CDK5RAP2: variants seen among roughly 807,000 people sequenced by gnomAD.
CDK5RAP2 encodes CDK5 regulatory subunit associated protein 2.
CDK5RAP2 carries 147 observed loss-of-function variants against 232.9 expected under a neutral mutation model. The ratio of observed to expected loss-of-function variants is 0.63; its 90% CI spans 0.55 to 0.72. The LOEUF is 0.72. CDK5RAP2 is among the 30% of genes least tolerant of loss of function. The pLI, the probability that CDK5RAP2 is intolerant of heterozygous loss-of-function variation, is 0.00. For missense variants in CDK5RAP2, 2,195 were observed against 2,231.5 expected (o/e 0.98, Z 0.33); for synonymous variants, 833 against 833.7 (o/e 1.00, Z 0.01).
At chr9:120,438,099 C>A (rs1037986137) in intron 24 of CDK5RAP2, among the ~76,000 whole-genome samples, 1 of 152,182 alleles carries the variant, frequency 6.6e-6, no homozygotes, top group Non-Finnish European at 1.5e-5. Context: ...AAACTGACTG[C>A]AAAGCTAATT....
chr9:120,463,325 C>G (rs1041601326), intron 18 of CDK5RAP2, among the ~76,000 whole-genome samples: 1 of 152,072 alleles, frequency 6.6e-6, no homozygotes, highest in African/African-American at 2.4e-5. Flanking sequence ...GAGCTGAGAT[C>G]GCGCCACTGC....
chr9:120,408,315 C>T (rs775025723), intron 31 of CDK5RAP2, 32 bp downstream of exon 31: 1 of 1,613,108 alleles, frequency 6.2e-7, no homozygotes, highest in Admixed American at 1.7e-5. Flanking sequence ...GCCCAAAGCA[C>T]AGTAGCCTCA....
intron 7 of CDK5RAP2, among the ~76,000 whole-genome samples, chr9:120,531,616 CT>C (rs11393891): frequency 1.4e-3 from 206 of 147,956 alleles, no homozygotes; most frequent in African/African-American, 3.9e-3. Flanking sequence ...ATAATTATTA[CT>C]TTTTTTTTTT....
rs1379522725 is a variant in CDK5RAP2, at chr9:120,437,473, C to T, written c.3777G>A (p.Gln1259=). 1 of 1,614,178 alleles carries T rather than the reference C, an allele frequency of 6.2e-7. No homozygotes were observed. Among genetic ancestry groups the T allele is most frequent in the South Asian group, 1.1e-5 (1 of 91,088 alleles). The change falls in exon 25 of 38, where the codon CAG becomes CAA. Residue 1259 remains glutamine, a synonymous_variant. Transcript: ENST00000349780. ...CACAGATGCCATGGCCATCCTTAAT[C>T]TGCTGCCGTTGAAGGGAGAGCTCCC... ...QARELSLQRQ[Q]IKDGHGICVI...
chr9:120,515,779 C>T (rs2040308379), intron 12 of CDK5RAP2, among the ~76,000 whole-genome samples: 1 of 152,176 alleles, frequency 6.6e-6, no homozygotes. Flanking sequence ...TGCTCATCAT[C>T]ACTGGCCATC....
chr9:120,536,544 G>C lies in CDK5RAP2; in HGVS notation c.508-18C>G. On this transcript the variant is annotated intron_variant, in intron 6 of 37. Transcript: ENST00000349780. Reference sequence around the variant, plus strand: ...GTCACATCCTAGAGTCAAATTAAATGCATTTGATGCAATTTTTCAATACAA... The same window carrying C: ...GTCACATCCTAGAGTCAAATTAAATCCATTTGATGCAATTTTTCAATACAA... 1 of 1,611,734 alleles carries C rather than the reference G, an allele frequency of 6.2e-7. No homozygotes were observed. The highest frequency in any genetic ancestry group is 8.5e-7 in the Non-Finnish European group (1 of 1,178,448).
chr9:120,422,713 G>C lies in CDK5RAP2; in HGVS notation c.3984C>G (p.Thr1328=). The change falls in exon 26 of 38, where the codon ACC becomes ACG. Residue 1328 remains threonine (T), a synonymous_variant. Transcript: ENST00000349780. ...NGKSVGVEMN[T]QNELMERIEE... ...CTCACCTCTCCATCAGTTCATTCTG[G>C]GTGTTCATTTCCACTCCAACTGATT... is the stretch of plus-strand genomic sequence containing the variant. 1.2e-6 allele frequency: 2 copies of C among 1,612,952 alleles called. No homozygotes were observed. The highest frequency in any genetic ancestry group is 1.7e-6 in the Non-Finnish European group (2 of 1,179,030).
intron 21 of CDK5RAP2, among the ~76,000 whole-genome samples, chr9:120,451,271 G>A (rs1164101392): frequency 6.6e-6 from 1 of 152,176 alleles, no homozygotes; most frequent in Non-Finnish European, 1.5e-5. Flanking sequence ...AAGGGAAACA[G>A]GAACTCACAC....
chr9:120,446,588 G>C (rs577784688), intron 22 of CDK5RAP2, among the ~76,000 whole-genome samples: 8 of 152,232 alleles, frequency 5.3e-5, no homozygotes, highest in Admixed American at 1.3e-4. Context: ...CCCTCCAAAA[G>C]TTTCCAATCT....
Position 120,541,890 on chromosome 9 carries a change from G to A in CDK5RAP2, c.384-2726C>T, listed in dbSNP as rs77505323. ...GGCTAACACACAAGGTGGGCAGCAA[G>A]ACCTGAGGAGAGAAAAGGCTGAGAG... On this transcript the variant is annotated intron_variant, in intron 5 of 37. Coordinates refer to ENST00000349780, the MANE Select transcript of CDK5RAP2 (RefSeq NM_018249.6). Among the ~76,000 whole-genome samples, 368 of 152,316 alleles carry A rather than the reference G, an allele frequency of 2.4e-3. 2 individuals carry two copies. The highest frequency in any genetic ancestry group is 8.3e-3 in the African/African-American group (344 of 41,580).
intron 20 of CDK5RAP2, among the ~76,000 whole-genome samples, chr9:120,456,021 A>T (rs2131422434): frequency 6.6e-6 from 1 of 152,350 alleles, no homozygotes; most frequent in East Asian, 1.9e-4. Flanking sequence ...GGAAATAGAA[A>T]CAATAAAGCA....
chr9:120,510,767 TC>T (rs937028304), intron 12 of CDK5RAP2, among the ~76,000 whole-genome samples: 2 of 152,238 alleles, frequency 1.3e-5, no homozygotes, highest in African/African-American at 4.8e-5. Context: ...TTTGCAAAGG[TC>T]TCCTGAGTTT....
intron 12 of CDK5RAP2, among the ~76,000 whole-genome samples, chr9:120,500,664 T>C (rs909329100): frequency 6.6e-6 from 1 of 152,214 alleles, no homozygotes; most frequent in African/African-American, 2.4e-5. Context: ...AGCTGATCTC[T>C]CAAGAATCAC....
chr9:120,389,764 G>C lies in CDK5RAP2; in HGVS notation c.5602C>G (p.Arg1868Gly). ...ACCTCCAGGTTTCCTCTGGCCTTCC[G>C]AAGGATTTTGTGGGTTACGACCACT... ...DQLVVTHKIL[R>G]KARGNLELRP... Residue 1868 changes from arginine to glycine, a missense_variant, in exon 37 of 38, where the codon CGG becomes GGG. Transcript: ENST00000349780. 7.4e-6 allele frequency: 12 copies of C among 1,614,122 alleles called. No homozygotes were observed. The highest frequency in any genetic ancestry group is 1.0e-5 in the Non-Finnish European group (12 of 1,179,978).
intron 14 of CDK5RAP2, among the ~76,000 whole-genome samples, chr9:120,478,283 AG>A (rs2038124402): frequency 1.3e-5 from 2 of 152,240 alleles, no homozygotes; most frequent in African/African-American, 4.8e-5. Context: ...TATTAGGACA[AG>A]GAAAATCAGG....
At chr9:120,393,353 GCT>G (rs2032169041) in intron 36 of CDK5RAP2, among the ~76,000 whole-genome samples, 2 of 152,286 alleles carry the variant, frequency 1.3e-5, no homozygotes, top group African/African-American at 4.8e-5. Flanking sequence ...CAGTGGCTGC[GCT>G]CCTCTCTTTT....
intron 28 of CDK5RAP2, 141 bp downstream of exon 28, chr9:120,414,899 C>T: frequency 1.1e-6 from 1 of 919,866 alleles, no homozygotes; most frequent in South Asian, 1.5e-5. Flanking sequence ...TTCAGGATGC[C>T]AGAGGCTGGC....
At chr9:120,520,794 C>CAT (rs55944936) in intron 11 of CDK5RAP2, among the ~76,000 whole-genome samples, 44,132 of 69,002 alleles carry the variant, frequency 0.64, 17,948 homozygotes, top group Non-Finnish European at 0.77. Context: ...AGATATATCT[C>CAT]ATATATCTCA....
intron 3 of CDK5RAP2, among the ~76,000 whole-genome samples, chr9:120,561,178 G>C (rs2042450111): frequency 6.6e-6 from 1 of 152,166 alleles, no homozygotes; most frequent in Non-Finnish European, 1.5e-5. Flanking sequence ...AGCTAAGTGA[G>C]GTAGTAAAGA....
Sources: gnomAD v4.1 joint callset for allele counts (sites outside exome capture counted in the v4.1 genomes callset) on GRCh38, gnomAD v4.1.1 for gene constraint, MANE v1.5 for transcripts, NCBI Gene and HGNC (gene_info 2026-07-23, HGNC 2026-07-21) for gene names.